The following MAP2K5 variants were observed in gnomAD, a reference collection of about 807,000 sequenced individuals.
MAP2K5 encodes mitogen-activated protein kinase kinase 5, also known as dual specificity mitogen-activated protein kinase kinase 5.
MAP2K5 carries 49 observed loss-of-function variants against 83.1 expected under a neutral mutation model. That is an observed-to-expected ratio of 0.59 (90% CI 0.47 to 0.75). MAP2K5 has a LOEUF of 0.75. MAP2K5 is among the 30% of genes least tolerant of loss of function. The pLI is 0.00. For synonymous variants in MAP2K5, 202 were observed against 191.8 expected (o/e 1.05, Z -0.44); for missense variants, 457 against 557.5 (o/e 0.82, Z 1.82).
At chr15:67,667,784 G>C (rs940591518) in intron 13 of MAP2K5, among the ~76,000 whole-genome samples, 2 of 152,142 alleles carry the variant, frequency 1.3e-5, no homozygotes, top group Non-Finnish European at 2.9e-5. Context: ...CTTGGAATAC[G>C]GTGGTCCAGA....
At position 67,689,103 on chromosome 15, in the gene MAP2K5, G is replaced by A. The variant is rs16951127; in HGVS notation, c.848-3376G>A. Among the ~76,000 whole-genome samples the A allele has an allele frequency of 2.9e-3, 437 of 152,226 alleles. 4 individuals carry two copies. The highest frequency in any genetic ancestry group is 9.8e-3 in the African/African-American group (407 of 41,504). ...TAAGTAACTCTTAGTATAAAATGTCGTTAAAGCTGAGTGCAGTGGCAAACA... is the reference window on the plus strand; with the variant it reads ...TAAGTAACTCTTAGTATAAAATGTCATTAAAGCTGAGTGCAGTGGCAAACA... On this transcript the variant is annotated intron_variant, in intron 13 of 21. Transcript: ENST00000178640.
intron 3 of MAP2K5, among the ~76,000 whole-genome samples, chr15:67,567,885 G>A (rs1273020214): frequency 1.3e-5 from 2 of 152,034 alleles, no homozygotes; most frequent in Non-Finnish European, 2.9e-5. Context: ...TTGTTGTCTG[G>A]TAGTTCTATG....
Position 67,793,237 on chromosome 15 carries a change from T to C in MAP2K5, c.1243-13409T>C, listed in dbSNP as rs1215841127. Among the ~76,000 whole-genome samples the C allele has an allele frequency of 6.6e-6, 1 of 152,286 alleles. No homozygotes were observed. Among genetic ancestry groups the C allele is most frequent in the East Asian group, 1.9e-4 (1 of 5,190 alleles). ...AGTGCGGAATGATTGTGCTTGTGAA[T>C]AGCCACTGTGCTCCAGTCAGGGCAA... is the stretch of plus-strand genomic sequence containing the variant. On this transcript the variant is annotated intron_variant, in intron 21 of 21. Coordinates refer to ENST00000178640, the MANE Select transcript of MAP2K5 (RefSeq NM_145160.3). The surrounding 1 kb of genome is among the most constrained non-coding windows in gnomAD (Gnocchi z 4.6).
chr15:67,643,910 T>C (rs1200387175), intron 9 of MAP2K5, among the ~76,000 whole-genome samples: 3 of 152,256 alleles, frequency 2.0e-5, no homozygotes. Flanking sequence ...TGCTTTTTTC[T>C]TCAGTATGAT....
chr15:67,615,712 T>C (rs1353741246), intron 8 of MAP2K5, among the ~76,000 whole-genome samples: 1 of 149,656 alleles, frequency 6.7e-6, no homozygotes, highest in African/African-American at 2.4e-5. Flanking sequence ...ATTTAAAAAT[T>C]ATATTTTTCA....
At chr15:67,726,497 G>A (rs2089099460) in intron 16 of MAP2K5, among the ~76,000 whole-genome samples, 1 of 152,166 alleles carries the variant, frequency 6.6e-6, no homozygotes, top group Admixed American at 6.5e-5. Flanking sequence ...AATGAAATAG[G>A]TATTCTGTTA....
intron 21 of MAP2K5, among the ~76,000 whole-genome samples, chr15:67,805,523 G>A (rs1597002706): frequency 6.6e-6 from 1 of 152,362 alleles, no homozygotes; most frequent in Middle Eastern, 3.4e-3. Flanking sequence ...GGTGTGCTGG[G>A]AAAGCAACCC....
At chr15:67,588,595 A>T (rs1180929128) in intron 6 of MAP2K5, among the ~76,000 whole-genome samples, 1 of 152,236 alleles carries the variant, frequency 6.6e-6, no homozygotes, top group African/African-American at 2.4e-5. Context: ...GATTATAGTC[A>T]ATCATGTTTG....
intron 16 of MAP2K5, among the ~76,000 whole-genome samples, chr15:67,726,735 G>A (rs573398529): frequency 6.6e-6 from 1 of 152,254 alleles, no homozygotes; most frequent in Admixed American, 6.5e-5. Flanking sequence ...TTTGAAGTGG[G>A]TTGATGCTCT....
In MAP2K5 at chr15:67,562,561, T is replaced by C. The variant is rs1271554828; in HGVS notation, c.185-722T>C. 2.0e-5 allele frequency among the ~76,000 whole-genome samples: 3 copies of C among 152,190 alleles called. No individual in the cohort carries two copies. The highest frequency in any genetic ancestry group is 2.4e-5 in the African/African-American group (1 of 41,442). On this transcript the variant is annotated intron_variant, in intron 2 of 21. Transcript: ENST00000178640. The surrounding 1 kb of genome is among the most constrained non-coding windows in gnomAD (Gnocchi z 4.1). ...AAGTCTTGTCCTCCAGCCTTAAGAC[T>C]TAAATTATTTCAAAATAGCATGAAT...
At chr15:67,601,495 G>A (rs1436652812) in intron 8 of MAP2K5, among the ~76,000 whole-genome samples, 2 of 152,220 alleles carry the variant, frequency 1.3e-5, no homozygotes, top group South Asian at 2.1e-4. Flanking sequence ...AGCCCTGAGG[G>A]AATAATAAAA....
intron 8 of MAP2K5, among the ~76,000 whole-genome samples, chr15:67,629,612 T>C (rs917381069): frequency 1.3e-5 from 2 of 152,228 alleles, no homozygotes; most frequent in Middle Eastern, 3.4e-3. Context: ...TAAATATGTT[T>C]TACAACTGGG....
intron 3 of MAP2K5, among the ~76,000 whole-genome samples, chr15:67,576,574 G>A (rs2085069046): frequency 6.8e-6 from 1 of 147,520 alleles, no homozygotes; most frequent in Non-Finnish European, 1.5e-5. Flanking sequence ...TCTAGTACTG[G>A]AGATTCCATT....
At chr15:67,684,373 C>G (rs765705056) in intron 13 of MAP2K5, among the ~76,000 whole-genome samples, 1 of 152,110 alleles carries the variant, frequency 6.6e-6, no homozygotes, top group Non-Finnish European at 1.5e-5. Context: ...CTAAACTAGC[C>G]CTGTAGTAGT....
At chr15:67,772,856 A>C in intron 21 of MAP2K5, 104 bp downstream of exon 21, 1 of 773,716 alleles carries the variant, frequency 1.3e-6, no homozygotes, top group South Asian at 2.3e-5. Flanking sequence ...ATAGGCTCTG[A>C]AAAGGCAACA....
At chr15:67,585,762 G>A in intron 4 of MAP2K5, 128 bp from the exon 5 acceptor site, 1 of 754,426 alleles carries the variant, frequency 1.3e-6, no homozygotes, top group Non-Finnish European at 2.3e-6. Flanking sequence ...TGGGTCTTGG[G>A]AGCCACTTTT....
chr15:67,571,659 A>T (rs1472621704), intron 3 of MAP2K5, among the ~76,000 whole-genome samples: 1 of 151,466 alleles, frequency 6.6e-6, no homozygotes, highest in Admixed American at 6.6e-5. Flanking sequence ...TTTAATTTTG[A>T]TCTTCTTAAC....
chr15:67,550,951 T>A (rs1381610831), intron 2 of MAP2K5, among the ~76,000 whole-genome samples: 1 of 152,098 alleles, frequency 6.6e-6, no homozygotes, highest in Non-Finnish European at 1.5e-5. Flanking sequence ...TTTGTATTTT[T>A]AGTAGAGACA....
In MAP2K5 at chr15:67,563,227, C is replaced by G; in HGVS notation, c.185-56C>G. The G allele has an allele frequency of 1.3e-6, 2 of 1,579,838 alleles. No homozygotes were observed. Among genetic ancestry groups the G allele is most frequent in the African/African-American group, 1.3e-5 (1 of 74,076 alleles). ...TAATAAACCGTTTATATTATGTTCC[C>G]TTTGTGCATTAAACAAATGCACACC... On this transcript the variant is annotated intron_variant, in intron 2 of 21. Transcript: ENST00000178640. This position sits in a 1 kb window ranked among gnomAD's most constrained non-coding sequence, Gnocchi z 4.5.
Sources: gnomAD v4.1 joint callset for allele counts (sites outside exome capture counted in the v4.1 genomes callset) on GRCh38, gnomAD v4.1.1 for gene constraint, Gnocchi (gnomAD v3.1) non-coding constraint, MANE v1.5 for transcripts, NCBI Gene and HGNC (gene_info 2026-07-23, HGNC 2026-07-21) for gene names.